ERG: variants seen among roughly 807,000 people sequenced by gnomAD.
ERG encodes the protein ETS transcription factor ERG.
In ERG, 9 loss-of-function variants were observed where a neutral mutation model predicts 55.3. The observed-to-expected ratio is 0.16, with a 90% CI of 0.10 to 0.28. ERG has a LOEUF of 0.28. ERG is among the 10% of genes least tolerant of loss of function. ERG has a pLI of 1.00. For synonymous variants in ERG, 223 were observed against 237.3 expected, an observed-to-expected ratio of 0.94 and a Z score of 0.55; for missense variants, 434 against 631.6, an observed-to-expected ratio of 0.69 and a Z score of 3.35.
At chr21:38,647,093 CAT>C (rs1416079236) in intron 1 of ERG, among the ~76,000 whole-genome samples, 1 of 152,144 alleles carries the variant, frequency 6.6e-6, no homozygotes, top group South Asian at 2.1e-4. Flanking sequence ...ACGTGGAAAA[CAT>C]GTGGTCAGCG....
chr21:38,455,723 C>T (rs1601427478), intron 1 of ERG, among the ~76,000 whole-genome samples: 2 of 152,260 alleles, frequency 1.3e-5, no homozygotes, highest in Admixed American at 1.3e-4. Context: ...CTGGCCTCCA[C>T]CCACAACTCT....
intron 2 of ERG, among the ~76,000 whole-genome samples, chr21:38,522,723 T>C (rs2059603598): frequency 6.6e-6 from 1 of 152,172 alleles, no homozygotes; most frequent in South Asian, 2.1e-4. Flanking sequence ...CACAGTTCAG[T>C]AGAGGTCCTG....
chr21:38,389,952 T>C lies in ERG; in HGVS notation c.919+1043A>G, dbSNP rs61323662. On this transcript the variant is annotated intron_variant, in intron 9 of 9. Coordinates refer to ENST00000288319, the MANE Select transcript of ERG (RefSeq NM_182918.4). ...TCGTGTTTTCAATGTGTAGATTCTC[T>C]TGCAGGGATGTACACTGATTAAATC... Among the ~76,000 whole-genome samples, 965 of 151,498 alleles carry C rather than the reference T, an allele frequency of 6.4e-3. 11 individuals carry two copies. Among genetic ancestry groups the C allele is most frequent in the African/African-American group, 0.022 (917 of 41,244 alleles).
At chr21:38,440,445 G>A (rs911669573) in intron 2 of ERG, among the ~76,000 whole-genome samples, 16 of 152,192 alleles carry the variant, frequency 1.1e-4, no homozygotes, top group Non-Finnish European at 2.1e-4. Flanking sequence ...ACAGCCCGGT[G>A]CTGGTTCACG....
intron 1 of ERG, among the ~76,000 whole-genome samples, chr21:38,613,594 G>A (rs1178209597): frequency 3.3e-5 from 5 of 152,170 alleles, no homozygotes; most frequent in Admixed American, 6.5e-5. Context: ...GGTGCTCGCC[G>A]CTCACTGTGA....
At chr21:38,473,024 G>A (rs1181865844) in intron 1 of ERG, among the ~76,000 whole-genome samples, 1 of 152,152 alleles carries the variant, frequency 6.6e-6, no homozygotes, top group Non-Finnish European at 1.5e-5. Context: ...CAGGCACTGC[G>A]GGGCAGAACT....
intron 1 of ERG, among the ~76,000 whole-genome samples, chr21:38,466,748 G>C (rs2059094614): frequency 6.6e-6 from 1 of 152,164 alleles, no homozygotes; most frequent in Non-Finnish European, 1.5e-5. Context: ...CAGTTGGTTG[G>C]AACTACAGTT....
chr21:38,485,877 A>T (rs1000473712), intron 1 of ERG, among the ~76,000 whole-genome samples: 1 of 151,970 alleles, frequency 6.6e-6, no homozygotes. Flanking sequence ...AGCTCCATTC[A>T]TGGTAAGTGC....
At chr21:38,455,569 G>A (rs997893550) in intron 1 of ERG, among the ~76,000 whole-genome samples, 1 of 152,118 alleles carries the variant, frequency 6.6e-6, no homozygotes, top group African/African-American at 2.4e-5. Context: ...AATACAGTGT[G>A]CTACGCATCT....
chr21:38,514,618 C>T (rs1006951588), intron 2 of ERG, among the ~76,000 whole-genome samples: 8 of 151,692 alleles, frequency 5.3e-5, no homozygotes, highest in African/African-American at 1.9e-4. Flanking sequence ...AGGAATCTAC[C>T]GAAACCTACA....
intron 1 of ERG, among the ~76,000 whole-genome samples, chr21:38,602,193 C>A (rs2060168192): frequency 6.6e-6 from 1 of 152,110 alleles, no homozygotes; most frequent in African/African-American, 2.4e-5. Context: ...GCCTGTAATC[C>A]CAGCACTTTG....
chr21:38,634,251 C>G (rs1016386311), intron 1 of ERG, among the ~76,000 whole-genome samples: 2 of 152,158 alleles, frequency 1.3e-5, no homozygotes, highest in East Asian at 3.8e-4. Flanking sequence ...AGGTACCATT[C>G]TAGGTGTTCC....
At chr21:38,450,765 C>T in intron 1 of ERG, 1 of 378,238 alleles carries the variant, frequency 2.6e-6, no homozygotes, top group Non-Finnish European at 5.2e-6. Context: ...AAATGAAAGG[C>T]TTATCCTAGG....
Position 38,381,575 on chromosome 21 carries a change from A to G in ERG, c.*1828T>C, listed in dbSNP as rs2146406636. ...TAGACGTTATCCCTTGTTTCTGTAA[A>G]GTGAGAAATTGCAGCTATCCATGAC... On this transcript the variant is annotated 3_prime_UTR_variant, in exon 10 of 10. Coordinates refer to ENST00000288319, the MANE Select transcript of ERG (RefSeq NM_182918.4). 1 of 1,063,378 alleles carries G rather than the reference A, an allele frequency of 9.4e-7. No individual in the cohort carries two copies. Among genetic ancestry groups the G allele is most frequent in the East Asian group, 5.1e-5 (1 of 19,790 alleles). 65.9% of individuals were successfully genotyped at this position (1,063,378 alleles called of 1,614,324 possible).
intron 2 of ERG, among the ~76,000 whole-genome samples, chr21:38,521,692 T>C (rs2059595961): frequency 6.6e-6 from 1 of 152,138 alleles, no homozygotes; most frequent in African/African-American, 2.4e-5. Context: ...AAAATAGTAA[T>C]CAGCTAAAGA....
At chr21:38,618,887 G>A (rs1344716604) in intron 1 of ERG, among the ~76,000 whole-genome samples, 14 of 152,190 alleles carry the variant, frequency 9.2e-5, no homozygotes. Flanking sequence ...CACCAGGGTT[G>A]CTAGGAAAAC....
chr21:38,478,045 A>G (rs1419336918), intron 1 of ERG, among the ~76,000 whole-genome samples: 1 of 152,238 alleles, frequency 6.6e-6, no homozygotes, highest in African/African-American at 2.4e-5. Flanking sequence ...TAGGTAAGTC[A>G]TAATACTCCA....
At chr21:38,401,733 G>A (rs761987021) in intron 5 of ERG, among the ~76,000 whole-genome samples, 19 of 152,108 alleles carry the variant, frequency 1.2e-4, no homozygotes, top group Non-Finnish European at 2.2e-4. Flanking sequence ...GTGAGCAGCC[G>A]GTGGCCATGC....
At chr21:38,397,202 G>A (rs1988263039) in intron 6 of ERG, among the ~76,000 whole-genome samples, 1 of 152,176 alleles carries the variant, frequency 6.6e-6, no homozygotes, top group African/African-American at 2.4e-5. Flanking sequence ...TGTGCAGGGA[G>A]ACTGAACTGA....
Sources: allele counts gnomAD v4.1 joint callset (sites outside exome capture counted in the v4.1 genomes callset), GRCh38; gene constraint gnomAD v4.1.1; transcripts MANE v1.5; gene names NCBI Gene and HGNC (gene_info 2026-07-23, HGNC 2026-07-21).